The following DNAI7 variants were observed in gnomAD, a reference collection of about 807,000 sequenced individuals.
DNAI7 encodes the protein dynein axonemal intermediate chain 7, also known as cancer susceptibility 1.
A neutral mutation model predicts 86.6 loss-of-function variants in DNAI7; 78 were observed. The observed-to-expected ratio is 0.90, with a 90% CI of 0.75 to 1.09. The LOEUF (loss-of-function observed/expected upper bound fraction) is 1.09. DNAI7 is among the 50% of genes least tolerant of loss of function. The pLI, the probability that DNAI7 is intolerant of heterozygous loss-of-function variation, is 0.00. For synonymous variants in DNAI7, 274 were observed against 273.0 expected, an observed-to-expected ratio of 1.00 and a Z score of -0.04; for missense variants, 753 against 810.2, an observed-to-expected ratio of 0.93 and a Z score of 0.86.
At chr12:25,156,707 C>T (rs1181899877) in intron 4 of DNAI7, among the ~76,000 whole-genome samples, 5 of 151,820 alleles carry the variant, frequency 3.3e-5, no homozygotes, top group African/African-American at 1.2e-4. Flanking sequence ...TGCCATTGCA[C>T]TCTAGCCTGG....
At chr12:25,185,786 C>A (rs2141335835) in intron 2 of DNAI7, 1 of 983,308 alleles carries the variant, frequency 1.0e-6, no homozygotes, top group Non-Finnish European at 1.2e-6. Flanking sequence ...TGACAGTGTT[C>A]CTAAATGAAA....
At chr12:25,192,372 T>C (rs971878562) in intron 1 of DNAI7, among the ~76,000 whole-genome samples, 14 of 152,238 alleles carry the variant, frequency 9.2e-5, no homozygotes, top group African/African-American at 3.4e-4. Context: ...TATGTCATAA[T>C]AGCCACTATG....
chr12:25,148,508 A>C (rs901884863), intron 7 of DNAI7, among the ~76,000 whole-genome samples: 3 of 152,196 alleles, frequency 2.0e-5, no homozygotes, highest in African/African-American at 7.2e-5. Flanking sequence ...CTAATCATTT[A>C]GGTAGCCACT....
At chr12:25,158,689 CAT>C in intron 3 of DNAI7, 126 bp from the exon 4 acceptor site, 1 of 1,497,482 alleles carries the variant, frequency 6.7e-7, no homozygotes, top group Non-Finnish European at 8.9e-7. Flanking sequence ...GTCTTTATTA[CAT>C]GGTAGATATG....
intron 12 of DNAI7, 140 bp from the exon 13 acceptor site, chr12:25,115,010 C>A (rs547951536): frequency 9.5e-6 from 6 of 631,550 alleles, no homozygotes; most frequent in Non-Finnish European, 1.6e-5. Context: ...AGGCCAGCTT[C>A]GCTGAGAGAT....
chr12:25,169,237 T>C lies in DNAI7; in HGVS notation c.22-8040A>G, dbSNP rs1189670805. Reference sequence around the variant, plus strand: ...AAGTGAAAATGGCCTGTTCCTGCCTTAACTGATGACATTATCTTGTGAAAT... The same window carrying C: ...AAGTGAAAATGGCCTGTTCCTGCCTCAACTGATGACATTATCTTGTGAAAT... On this transcript the variant is annotated intron_variant, in intron 2 of 15. Transcript: ENST00000395987. Among the ~76,000 whole-genome samples, 12 of 152,250 alleles carry C rather than the reference T, an allele frequency of 7.9e-5. No homozygotes were observed. The East Asian group carries it at 1.9e-3, about 24-fold the overall frequency.
chr12:25,126,793 T>C (rs906054733), intron 9 of DNAI7, among the ~76,000 whole-genome samples: 9 of 152,122 alleles, frequency 5.9e-5, no homozygotes, highest in Admixed American at 5.9e-4. Flanking sequence ...AGGATTATGA[T>C]CAATAAAAAT....
At chr12:25,110,642 A>G (rs568469639) in intron 14 of DNAI7, among the ~76,000 whole-genome samples, 2 of 152,248 alleles carry the variant, frequency 1.3e-5, no homozygotes, top group East Asian at 3.9e-4. Flanking sequence ...GCACATGGCT[A>G]AAGTCCCCAC....
At chr12:25,150,224 T>A (rs1945331706) in intron 6 of DNAI7, among the ~76,000 whole-genome samples, 1 of 152,194 alleles carries the variant, frequency 6.6e-6, no homozygotes. Flanking sequence ...GCCAAAGTAT[T>A]TGACCTCTGA....
chr12:25,154,469 A>C lies in DNAI7; in HGVS notation c.301-13T>G, dbSNP rs745460458. The C allele has an allele frequency of 1.3e-6, 2 of 1,598,686 alleles. No homozygotes were observed. The highest frequency in any genetic ancestry group is 2.3e-5 in the South Asian group (2 of 87,204). ...TGTAGTGCTTCCACTGTGGAATAAA[A>C]ATGTTTAAAGGTTCACATTGATGAA... On this transcript the variant is annotated splice_polypyrimidine_tract_variant and intron_variant, in intron 5 of 15. Coordinates refer to ENST00000395987, the MANE Select transcript of DNAI7 (RefSeq NM_018272.5).
intron 2 of DNAI7, among the ~76,000 whole-genome samples, chr12:25,174,992 AC>A (rs1948798576): frequency 6.6e-6 from 1 of 152,082 alleles, no homozygotes; most frequent in South Asian, 2.1e-4. Context: ...GGGATAGAAG[AC>A]TACAAATACG....
chr12:25,161,466 C>A (rs926244849), intron 2 of DNAI7, among the ~76,000 whole-genome samples: 1 of 152,092 alleles, frequency 6.6e-6, no homozygotes, highest in Non-Finnish European at 1.5e-5. Flanking sequence ...AATTCTCATT[C>A]CCAGTTTCCA....
intron 11 of DNAI7, among the ~76,000 whole-genome samples, chr12:25,120,912 G>A (rs116339108): frequency 5.3e-4 from 81 of 152,280 alleles, no homozygotes; most frequent in African/African-American, 1.9e-3. Context: ...ATATGCATAG[G>A]AGTTACCTGG....
At chr12:25,118,329 T>C (rs1368118721) in intron 12 of DNAI7, among the ~76,000 whole-genome samples, 5 of 152,104 alleles carry the variant, frequency 3.3e-5, no homozygotes, top group Non-Finnish European at 7.4e-5. Context: ...AGTGGCGCCA[T>C]CTTGGCTCAC....
At chr12:25,114,069 C>T (rs1939569506) in intron 13 of DNAI7, among the ~76,000 whole-genome samples, 1 of 151,800 alleles carries the variant, frequency 6.6e-6, no homozygotes, top group South Asian at 2.1e-4. Flanking sequence ...CCTCAGCCTC[C>T]TGAGTAGCTG....
At chr12:25,188,231 T>C (rs564046461) in intron 2 of DNAI7, among the ~76,000 whole-genome samples, 2 of 152,292 alleles carry the variant, frequency 1.3e-5, no homozygotes, top group South Asian at 4.1e-4. Flanking sequence ...TAAAATATTG[T>C]TAAGTGAAAA....
In DNAI7 at chr12:25,168,739, C is replaced by T. The variant is rs779326996; in HGVS notation, c.22-7542G>A. The stretch of plus-strand genomic sequence containing the variant: ...AACCAAGCAAGTAATTACGCTGCAC[C>T]CCCTGGGGCACTCTCTAATTAGATG... On this transcript the variant is annotated intron_variant, in intron 2 of 15. Transcript: ENST00000395987. Among the ~76,000 whole-genome samples the T allele has an allele frequency of 6.9e-4, 105 of 152,080 alleles. 1 individual carries two copies. Among genetic ancestry groups the T allele is most frequent in the South Asian group, 4.2e-4 (2 of 4,804 alleles).
chr12:25,129,756 A>ATTTTAT (rs1405103655), intron 9 of DNAI7, among the ~76,000 whole-genome samples: 2 of 115,814 alleles, frequency 1.7e-5, no homozygotes, highest in South Asian at 6.4e-4. Context: ...GTTTATTTTT[A>ATTTTAT]TTTTATTTTT....
intron 9 of DNAI7, among the ~76,000 whole-genome samples, chr12:25,130,317 C>T (rs191251783): frequency 5.1e-4 from 78 of 151,666 alleles, no homozygotes; most frequent in African/African-American, 1.8e-3. Flanking sequence ...GCAGGCAGAG[C>T]ACAAGGTCAG....
Sources: gnomAD v4.1 joint callset for allele counts (sites outside exome capture counted in the v4.1 genomes callset) on GRCh38, gnomAD v4.1.1 for gene constraint, MANE v1.5 for transcripts, NCBI Gene and HGNC (gene_info 2026-07-23, HGNC 2026-07-21) for gene names.